SHQ1: variants seen among roughly 807,000 people sequenced by gnomAD.
SHQ1 encodes the protein SHQ1, H/ACA ribonucleoprotein assembly factor.
A neutral mutation model predicts 53.8 loss-of-function variants in SHQ1; 49 were observed. That is an observed-to-expected ratio of 0.91 (90% confidence interval 0.72 to 1.16). SHQ1 has a LOEUF of 1.16. Among genes scored for constraint, SHQ1 ranks in the 50% most tolerant of loss-of-function variants. The probability of loss-of-function intolerance (pLI) is 0.00; values close to 1 mark genes in which losing one functional copy is unlikely to be tolerated. For synonymous variants in SHQ1, 243 were observed against 251.0 expected (o/e 0.97, Z 0.30); for missense variants, 738 against 683.1 (o/e 1.08, Z -0.90).
intron 9 of SHQ1, among the ~76,000 whole-genome samples, chr3:72,799,165 A>G (rs532404058): frequency 6.6e-6 from 1 of 151,954 alleles, no homozygotes; most frequent in African/African-American, 2.4e-5. Flanking sequence ...AAAAAAAAAA[A>G]TAATAATAAT....
In SHQ1 at chr3:72,801,091, A is replaced by G. The variant is rs1283275839; in HGVS notation, c.1061-8055T>C. On this transcript the variant is annotated intron_variant, in intron 9 of 10. Coordinates refer to ENST00000325599, the MANE Select transcript of SHQ1 (RefSeq NM_018130.3). ...ACATAATGGTAACATGACTAATTTC[A>G]ATTTCTTCAGACAACTAAGAATGAG... 2.0e-5 allele frequency among the ~76,000 whole-genome samples: 3 copies of G among 152,322 alleles called. No homozygotes were observed. The South Asian group carries it at 6.2e-4, about 32-fold the overall frequency.
intron 5 of SHQ1, among the ~76,000 whole-genome samples, chr3:72,827,538 T>C (rs1248376877): frequency 3.3e-5 from 5 of 151,882 alleles, no homozygotes; most frequent in East Asian, 1.9e-4. Context: ...TCCATCCCCC[T>C]CCCCACCAAA....
chr3:72,726,545 T>G, the SHQ1 span, among the ~76,000 whole-genome samples: 1 of 151,902 alleles, frequency 6.6e-6, no homozygotes, highest in South Asian at 2.1e-4. Context: ...AGCAACGGGG[T>G]TTTGCCATGT....
intron 5 of SHQ1, among the ~76,000 whole-genome samples, chr3:72,829,850 T>C (rs1278393372): frequency 6.6e-6 from 1 of 152,216 alleles, no homozygotes; most frequent in African/African-American, 2.4e-5. Flanking sequence ...AACTGGTTAA[T>C]GTAAAATGTA....
At chr3:72,737,003 C>T in the SHQ1 span, among the ~76,000 whole-genome samples, 1 of 152,040 alleles carries the variant, frequency 6.6e-6, no homozygotes, top group East Asian at 1.9e-4. Flanking sequence ...GGGGTGGTGG[C>T]TCATGCCTGT....
intron 9 of SHQ1, among the ~76,000 whole-genome samples, chr3:72,798,068 G>A (rs1007098592): frequency 1.3e-5 from 2 of 152,130 alleles, no homozygotes; most frequent in Non-Finnish European, 2.9e-5. Context: ...ATCCAGTCGT[G>A]GGCTCATCAT....
chr3:72,758,930 T>C (rs932154584), intron 10 of SHQ1, among the ~76,000 whole-genome samples: 6 of 152,206 alleles, frequency 3.9e-5, no homozygotes, highest in African/African-American at 1.4e-4. Flanking sequence ...CAGGGCAGAA[T>C]CCCTTCCATG....
chr3:72,828,926 T>C (rs997271515), intron 5 of SHQ1, among the ~76,000 whole-genome samples: 2 of 151,940 alleles, frequency 1.3e-5, no homozygotes, highest in Non-Finnish European at 2.9e-5. Flanking sequence ...GACATCATAC[T>C]AATGGTTCAT....
chr3:72,774,130 C>A (rs1705908676), intron 10 of SHQ1, among the ~76,000 whole-genome samples: 1 of 152,084 alleles, frequency 6.6e-6, no homozygotes, highest in African/African-American at 2.4e-5. Context: ...TTTTAACCTA[C>A]CAAGAAGATA....
chr3:72,839,497 A>C (rs1161434549), intron 4 of SHQ1, among the ~76,000 whole-genome samples: 1 of 152,204 alleles, frequency 6.6e-6, no homozygotes, highest in African/African-American at 2.4e-5. Flanking sequence ...CAAAGGCAGG[A>C]GTCTTTACAG....
At chr3:72,809,571 A>G (rs1707056987) in intron 9 of SHQ1, 1 of 152,204 alleles carries the variant, frequency 6.6e-6, no homozygotes. Context: ...TACCTTCTAT[A>G]CATTAATAAG....
chr3:72,837,611 T>G (rs984940727), intron 4 of SHQ1, among the ~76,000 whole-genome samples: 1 of 152,180 alleles, frequency 6.6e-6, no homozygotes, highest in Non-Finnish European at 1.5e-5. Context: ...TAGGCAGAAC[T>G]AGAAAAAATA....
intron 1 of SHQ1, chr3:72,846,385 C>A (rs1708329702): frequency 7.3e-7 from 1 of 1,367,174 alleles, no homozygotes; most frequent in Admixed American, 2.3e-5. Context: ...ACCTTCGCCC[C>A]CCAGGTTCAA....
At chr3:72,751,762 T>C (rs914265585) in intron 10 of SHQ1, among the ~76,000 whole-genome samples, 1 of 152,038 alleles carries the variant, frequency 6.6e-6, no homozygotes, top group African/African-American at 2.4e-5. Flanking sequence ...CATTTGATAT[T>C]ATTCTGTTAA....
intron 10 of SHQ1, among the ~76,000 whole-genome samples, chr3:72,751,739 G>A (rs967388020): frequency 8.6e-5 from 13 of 151,796 alleles, no homozygotes; most frequent in East Asian, 7.8e-4. Flanking sequence ...TTTTTTATTG[G>A]CAAATACCCA....
chr3:72,755,291 G>A (rs141488929), intron 10 of SHQ1, among the ~76,000 whole-genome samples: 1 of 151,520 alleles, frequency 6.6e-6, no homozygotes, highest in African/African-American at 2.4e-5. Flanking sequence ...TGGATGGATG[G>A]ATGGATGGAT....
At chr3:72,845,640 T>A (rs549799078) in intron 1 of SHQ1, among the ~76,000 whole-genome samples, 1 of 152,350 alleles carries the variant, frequency 6.6e-6, no homozygotes, top group South Asian at 2.1e-4. Context: ...GGCTGCCTCA[T>A]GTTGCCTAGA....
intron 3 of SHQ1, among the ~76,000 whole-genome samples, chr3:72,841,589 T>G (rs1367684505): frequency 2.6e-5 from 4 of 152,082 alleles, no homozygotes; most frequent in African/African-American, 9.7e-5. Context: ...GAATACAGGA[T>G]GGTATTCTTC....
intron 1 of SHQ1, among the ~76,000 whole-genome samples, chr3:72,847,500 G>C (rs1381850644): frequency 6.6e-6 from 1 of 152,166 alleles, no homozygotes; most frequent in Admixed American, 6.5e-5. Context: ...TAACGGAACT[G>C]CTTGTCCACC....
Sources: allele counts gnomAD v4.1 joint callset (sites outside exome capture counted in the v4.1 genomes callset), GRCh38; gene constraint gnomAD v4.1.1; transcripts MANE v1.5; gene names NCBI Gene and HGNC (gene_info 2026-07-23, HGNC 2026-07-21).